The following UBE3C variants were observed in gnomAD, a reference collection of about 807,000 sequenced individuals.
The protein encoded by UBE3C is ubiquitin-protein ligase E3C.
A neutral mutation model predicts 129.4 loss-of-function variants in UBE3C; 42 were observed. That is an observed-to-expected ratio of 0.32 (90% confidence interval 0.25 to 0.42). UBE3C has a LOEUF of 0.42. Among genes scored for constraint, UBE3C ranks in the 10% least tolerant of loss-of-function variants. The pLI is 1.00. For synonymous variants in UBE3C, 510 were observed against 492.4 expected (o/e 1.04, Z -0.47); for missense variants, 1,049 against 1,319.1 (o/e 0.80, Z 3.17).
At chr7:157,152,792 C>T (rs1249367191) in intron 1 of UBE3C, among the ~76,000 whole-genome samples, 3 of 152,270 alleles carry the variant, frequency 2.0e-5, no homozygotes, top group Non-Finnish European at 4.4e-5. Context: ...CTTGTGCATT[C>T]CTGTAACTGC....
chr7:157,254,733 T>G (rs748443654), intron 21 of UBE3C, among the ~76,000 whole-genome samples: 2 of 151,676 alleles, frequency 1.3e-5, no homozygotes, highest in South Asian at 2.1e-4. Context: ...TTTGTAGGGG[T>G]AATGTACATG....
chr7:157,225,628 A>G, intron 17 of UBE3C, 89 bp downstream of exon 17: 10 of 1,398,674 alleles, frequency 7.1e-6, no homozygotes, highest in Non-Finnish European at 9.4e-6. Flanking sequence ...ATTAGTGTCC[A>G]TCATCTTGTT....
chr7:157,244,252 A>T (rs1323705234), intron 18 of UBE3C, among the ~76,000 whole-genome samples: 1 of 152,226 alleles, frequency 6.6e-6, no homozygotes, highest in East Asian at 1.9e-4. Flanking sequence ...AGAAAGAAAG[A>T]TGAGGTATAT....
chr7:157,187,584 G>T (rs1263090510), intron 10 of UBE3C, among the ~76,000 whole-genome samples: 6 of 142,500 alleles, frequency 4.2e-5, no homozygotes, highest in Admixed American at 2.1e-4. Context: ...TTTGTTTTTT[G>T]TTTTTTTTTT....
At chr7:157,235,231 A>G (rs1796125668) in intron 18 of UBE3C, among the ~76,000 whole-genome samples, 1 of 152,144 alleles carries the variant, frequency 6.6e-6, no homozygotes, top group Non-Finnish European at 1.5e-5. Flanking sequence ...TTACAATGAA[A>G]TCCCTTAGTT....
In UBE3C at chr7:157,254,072, C is replaced by G; in HGVS notation, c.2813C>G (p.Ala938Gly). 6.2e-7 allele frequency: 1 copy of G among 1,613,632 alleles called. No individual in the cohort carries two copies. Among genetic ancestry groups the G allele is most frequent in the Non-Finnish European group, 8.5e-7 (1 of 1,179,842 alleles). The change falls in exon 20 of 23, where the codon GCT (alanine) becomes GGT (glycine). Residue 938 changes from alanine to glycine, a missense_variant. Coordinates refer to ENST00000348165, the MANE Select transcript of UBE3C (RefSeq NM_014671.3). Reference protein sequence around the residue: ...LNRQIRQHCLAFRQGLANVVS... With the variant: ...LNRQIRQHCLGFRQGLANVVS... ...AGGCAGATCCGCCAGCACTGCCTGG[C>G]TTTCCGCCAGGGCCTTGCCAATGTC...
At chr7:157,240,379 T>A (rs1796279381) in intron 18 of UBE3C, among the ~76,000 whole-genome samples, 1 of 152,152 alleles carries the variant, frequency 6.6e-6, no homozygotes, top group Admixed American at 6.5e-5. Context: ...AGGCTTCAAT[T>A]AATAAGTGTG....
chr7:157,184,169 T>C, intron 9 of UBE3C, 140 bp downstream of exon 9: 9 of 1,061,380 alleles, frequency 8.5e-6, no homozygotes, highest in Non-Finnish European at 1.2e-5. Flanking sequence ...TCAGCCCCAC[T>C]ACCACAGTTT....
At chr7:157,156,661 A>C (rs763383506) in intron 1 of UBE3C, among the ~76,000 whole-genome samples, 1 of 151,520 alleles carries the variant, frequency 6.6e-6, no homozygotes, top group Non-Finnish European at 1.5e-5. Context: ...ACATCCTGTC[A>C]GAGCTGTTCT....
At chr7:157,249,836 G>A (rs144428498) in intron 19 of UBE3C, among the ~76,000 whole-genome samples, 155 of 152,140 alleles carry the variant, frequency 1.0e-3, no homozygotes, top group Admixed American at 1.8e-3. Flanking sequence ...GTAACATCTG[G>A]GATTTGCTTC....
At chr7:157,143,258 G>T (rs926975645) in intron 1 of UBE3C, among the ~76,000 whole-genome samples, 2 of 152,046 alleles carry the variant, frequency 1.3e-5, no homozygotes, top group African/African-American at 2.4e-5. Context: ...TTAATTGGGG[G>T]TATGTTTTTC....
intron 1 of UBE3C, among the ~76,000 whole-genome samples, chr7:157,152,759 T>C (rs1807792326): frequency 6.6e-6 from 1 of 152,148 alleles, no homozygotes; most frequent in Non-Finnish European, 1.5e-5. Flanking sequence ...TGCCGGCACA[T>C]CTTGCTTCTG....
At chr7:157,156,922 G>A (rs568509093) in intron 1 of UBE3C, among the ~76,000 whole-genome samples, 150 of 152,212 alleles carry the variant, frequency 9.9e-4, no homozygotes, top group Non-Finnish European at 1.9e-3. Context: ...AGTTATTAAT[G>A]TGGTCCTTAT....
intron 4 of UBE3C, among the ~76,000 whole-genome samples, chr7:157,173,748 G>T (rs1371898879): frequency 2.0e-5 from 3 of 152,048 alleles, no homozygotes; most frequent in Non-Finnish European, 4.4e-5. Context: ...ACTGATAATA[G>T]AAATTTTAGG....
At chr7:157,251,239 T>A (rs979718935) in intron 19 of UBE3C, among the ~76,000 whole-genome samples, 1 of 152,232 alleles carries the variant, frequency 6.6e-6, no homozygotes, top group African/African-American at 2.4e-5. Context: ...CTTTATTGTG[T>A]CAGCAGGTTA....
intron 11 of UBE3C, among the ~76,000 whole-genome samples, chr7:157,206,495 C>T (rs931466425): frequency 1.3e-5 from 2 of 152,134 alleles, no homozygotes; most frequent in African/African-American, 2.4e-5. Context: ...AACTCTTGAC[C>T]TTGTGATCCA....
chr7:157,140,065 A>G (rs1264202089), intron 1 of UBE3C: 1 of 983,874 alleles, frequency 1.0e-6, no homozygotes, highest in Non-Finnish European at 1.2e-6. Context: ...CCTCTGTTCT[A>G]GTCTAGAATT....
chr7:157,159,702 T>C (rs1808016415), intron 1 of UBE3C, among the ~76,000 whole-genome samples: 1 of 152,266 alleles, frequency 6.6e-6, no homozygotes, highest in South Asian at 2.1e-4. Context: ...ACCTTGTCTC[T>C]ACTAAAAATA....
At chr7:157,204,515 G>T (rs1162019555) in intron 11 of UBE3C, among the ~76,000 whole-genome samples, 1 of 151,930 alleles carries the variant, frequency 6.6e-6, no homozygotes, top group South Asian at 2.1e-4. Context: ...AGATGGTTTG[G>T]GGGCCAACCG....
Sources: allele counts gnomAD v4.1 joint callset (sites outside exome capture counted in the v4.1 genomes callset), GRCh38; gene constraint gnomAD v4.1.1; transcripts MANE v1.5; gene names NCBI Gene and HGNC (gene_info 2026-07-23, HGNC 2026-07-21).